SPOCK1: variants seen among roughly 807,000 people sequenced by gnomAD.
SPOCK1 encodes SPARC (osteonectin), cwcv and kazal like domains proteoglycan 1.
Under a neutral mutation model 55.3 loss-of-function variants are expected in SPOCK1, and 23 were observed. The ratio of observed to expected loss-of-function variants is 0.42; its 90% CI spans 0.30 to 0.59. SPOCK1 has a LOEUF of 0.59. SPOCK1 is among the 20% of genes least tolerant of loss of function. The probability of loss-of-function intolerance (pLI) is 0.22; values close to 1 mark genes in which losing one functional copy is unlikely to be tolerated. For missense variants in SPOCK1, 499 were observed against 552.5 expected (o/e 0.90, Z 0.97); for synonymous variants, 226 against 221.0 (o/e 1.02, Z -0.20).
chr5:137,433,967 T>C (rs1404007587), intron 2 of SPOCK1, among the ~76,000 whole-genome samples: 6 of 152,246 alleles, frequency 3.9e-5, no homozygotes, highest in South Asian at 2.1e-4. Context: ...GATGAAACAA[T>C]TCATGACAAA....
At chr5:137,487,220 T>C (rs1390512407) in intron 2 of SPOCK1, among the ~76,000 whole-genome samples, 1 of 151,216 alleles carries the variant, frequency 6.6e-6, no homozygotes, top group African/African-American at 2.4e-5. Flanking sequence ...TCAGTGGGAA[T>C]AGAATGACTT....
intron 2 of SPOCK1, among the ~76,000 whole-genome samples, chr5:137,446,989 GC>G (rs1561538094): frequency 6.6e-6 from 1 of 152,126 alleles, no homozygotes; most frequent in East Asian, 1.9e-4. Context: ...GAATGTCCTT[GC>G]CTTTAAAGCT....
chr5:137,422,899 T>G (rs1171353330), intron 2 of SPOCK1, among the ~76,000 whole-genome samples: 1 of 151,920 alleles, frequency 6.6e-6, no homozygotes, highest in Non-Finnish European at 1.5e-5. Flanking sequence ...CTCTGTTTTT[T>G]CCCCATCTTT....
chr5:137,253,956 C>T (rs191146344), intron 3 of SPOCK1, among the ~76,000 whole-genome samples: 10 of 152,292 alleles, frequency 6.6e-5, no homozygotes, highest in South Asian at 4.2e-4. Context: ...ATAAAGCATT[C>T]GAAACCATTT....
chr5:137,498,409 C>G lies in SPOCK1; in HGVS notation c.150G>C (p.Gln50His). ...GGTTCCAGTACTTGTCCCGGTCGTA[C>G]TGGGAGACGGTGCTCAGCCACTGGT... is the stretch of plus-strand genomic sequence containing the variant. ...DNDQWLSTVS[Q>H]YDRDKYWNRF... is the part of the protein sequence containing the mutation. Residue 50 changes from glutamine (Q) to histidine (H), a missense_variant, in exon 2 of 11, where the codon CAG becomes CAC. By Grantham distance (24) the Gln-to-His change is conservative (BLOSUM62 0). This residue lies in a region of SPOCK1 where 386 missense variants were observed against 400.6 expected (regional missense o/e 0.96). Coordinates refer to ENST00000394945, the MANE Select transcript of SPOCK1 (RefSeq NM_004598.4). 1 of 1,607,332 alleles carries G rather than the reference C, an allele frequency of 6.2e-7. No individual in the cohort carries two copies.
chr5:137,272,425 G>A (rs1358349496), intron 2 of SPOCK1, among the ~76,000 whole-genome samples: 1 of 152,154 alleles, frequency 6.6e-6, no homozygotes, highest in South Asian at 2.1e-4. Flanking sequence ...GGAAATCTCT[G>A]CTAATCAAAC....
intron 2 of SPOCK1, among the ~76,000 whole-genome samples, chr5:137,421,253 C>T (rs146589492): frequency 2.0e-5 from 3 of 152,302 alleles, no homozygotes; most frequent in Non-Finnish European, 4.4e-5. Context: ...TGGTATGGTG[C>T]TGAGAAGAAT....
rs1414945067 is a variant in SPOCK1 at position 137,313,504 on chromosome 5, C to A, written c.187-46449G>T. 1.0e-5 allele frequency: 10 copies of A among 985,282 alleles called. No homozygotes were observed. The African/African-American group carries it at 1.7e-4, about 17-fold the overall frequency. 61.0% of individuals were successfully genotyped at this position (985,282 alleles called of 1,614,324 possible). ...GTGACACCCACCCAAAACAAGGACA[C>A]CAGCAGCCTCAGAAGGGATCCATAG... On this transcript the variant is annotated intron_variant, in intron 2 of 10. Coordinates refer to ENST00000394945, the MANE Select transcript of SPOCK1 (RefSeq NM_004598.4).
intron 6 of SPOCK1, among the ~76,000 whole-genome samples, chr5:136,998,289 G>T (rs2126967314): frequency 6.6e-6 from 1 of 152,316 alleles, no homozygotes; most frequent in South Asian, 2.1e-4. Context: ...TGTCTGCTGT[G>T]GATAAGTTCC....
chr5:137,373,174 T>C (rs1049396369), intron 2 of SPOCK1, among the ~76,000 whole-genome samples: 1 of 152,126 alleles, frequency 6.6e-6, no homozygotes, highest in Non-Finnish European at 1.5e-5. Context: ...AATTACCCAG[T>C]CTCAAGTATT....
rs779585275 is a variant in SPOCK1, at chr5:136,977,695, G to A, written c.*959C>T. 44 of 398,122 alleles carry A rather than the reference G, an allele frequency of 1.1e-4. No individual in the cohort carries two copies. The highest frequency in any genetic ancestry group is 1.8e-4 in the Non-Finnish European group (41 of 225,808). 24.7% of individuals were successfully genotyped at this position (398,122 alleles called of 1,614,324 possible). On this transcript the variant is annotated 3_prime_UTR_variant, in exon 11 of 11. Transcript: ENST00000394945. ...GCTTGTGAAGCTGCCCGTGTCGTGT[G>A]GGAGTCGCATGGCTTCTGCGAGAAA...
Position 137,382,218 on chromosome 5 carries a change from C to T in SPOCK1, c.187-115163G>A, listed in dbSNP as rs539741824. 1.1e-4 allele frequency among the ~76,000 whole-genome samples: 16 copies of T among 152,318 alleles called. No individual in the cohort carries two copies. The South Asian group carries it at 2.9e-3, about 28-fold the overall frequency. ...TAGGTTCCTCATCTCCATCTGAGAC[C>T]ATCTCAGCCTGGACATCACTGTCCA... On this transcript the variant is annotated intron_variant, in intron 2 of 10. Coordinates refer to ENST00000394945, the MANE Select transcript of SPOCK1 (RefSeq NM_004598.4).
At chr5:137,311,241 G>GA (rs201807802) in intron 2 of SPOCK1, among the ~76,000 whole-genome samples, 21 of 150,964 alleles carry the variant, frequency 1.4e-4, no homozygotes, top group East Asian at 5.8e-4. Flanking sequence ...ACTGATCCCA[G>GA]AAAAAAAAAG....
intron 2 of SPOCK1, among the ~76,000 whole-genome samples, chr5:137,443,053 T>A (rs573543135): frequency 6.6e-6 from 1 of 152,058 alleles, no homozygotes; most frequent in Non-Finnish European, 1.5e-5. Context: ...AGCCTCCATC[T>A]CTGCTACCAC....
At chr5:137,160,430 T>C (rs1363569742) in intron 3 of SPOCK1, among the ~76,000 whole-genome samples, 3 of 126,070 alleles carry the variant, frequency 2.4e-5, no homozygotes, top group Non-Finnish European at 4.8e-5. Context: ...ATATAATATA[T>C]ATATTATATG....
intron 2 of SPOCK1, among the ~76,000 whole-genome samples, chr5:137,446,498 G>C (rs941811795): frequency 6.6e-6 from 1 of 152,140 alleles, no homozygotes; most frequent in Non-Finnish European, 1.5e-5. Flanking sequence ...AGAGATCCCA[G>C]AACAAGTCTA....
In SPOCK1 at chr5:136,978,483, T is replaced by C. The variant is rs1194542848; in HGVS notation, c.*171A>G. 14 of 551,304 alleles carry C rather than the reference T, an allele frequency of 2.5e-5. No individual in the cohort carries two copies. The highest frequency in any genetic ancestry group is 3.8e-5 in the Non-Finnish European group (13 of 342,544). 34.2% of individuals were successfully genotyped at this position (551,304 alleles called of 1,614,324 possible). A position where few individuals can be genotyped will look rare whatever the true frequency, so the allele number is the denominator to read the frequency against. On this transcript the variant is annotated 3_prime_UTR_variant, in exon 11 of 11. Transcript: ENST00000394945. ...ACACCCTTTCTCCCATACAAACATA[T>C]GCAAAATCAGAATCCTCTGGGAACA... is the stretch of plus-strand genomic sequence containing the variant.
At chr5:137,195,778 T>TG (rs779747724) in intron 3 of SPOCK1, among the ~76,000 whole-genome samples, 1 of 152,214 alleles carries the variant, frequency 6.6e-6, no homozygotes, top group Non-Finnish European at 1.5e-5. Flanking sequence ...TATGAGTACA[T>TG]GACTGGTTGG....
chr5:136,978,830 T>C lies in SPOCK1; in HGVS notation c.1144A>G (p.Thr382Ala). ...CCACCACTGCCAAAATCCCCTGAGGTTTCCTGCTCCTCTTCTGAAAGATTA... is the reference window on the plus strand; with the variant it reads ...CCACCACTGCCAAAATCCCCTGAGGCTTCCTGCTCCTCTTCTGAAAGATTA... ...GAVSCEEEQE[T>A]SGDFGSGGSV... The change falls in exon 11 of 11, where the codon ACC (threonine) becomes GCC (alanine). Residue 382 changes from threonine to alanine, a missense_variant. This residue lies in a region of SPOCK1 where 83 missense variants were observed against 87.5 expected (regional missense o/e 0.95). Coordinates refer to ENST00000394945, the MANE Select transcript of SPOCK1 (RefSeq NM_004598.4). 1 of 1,610,046 alleles carries C rather than the reference T, an allele frequency of 6.2e-7. No homozygotes were observed. The highest frequency in any genetic ancestry group is 8.5e-7 in the Non-Finnish European group (1 of 1,178,502).
Sources: gnomAD v4.1 joint callset for allele counts (sites outside exome capture counted in the v4.1 genomes callset) on GRCh38, gnomAD v4.1.1 for gene constraint, gnomAD v4.1.1 regional missense constraint, MANE v1.5 for transcripts, NCBI Gene and HGNC (gene_info 2026-07-23, HGNC 2026-07-21) for gene names.